MYL12B: variants seen among roughly 807,000 people sequenced by gnomAD.
MYL12B encodes the protein myosin regulatory light chain 12B.
Under a neutral mutation model 12.9 loss-of-function variants are expected in MYL12B, and 3 were observed. The observed-to-expected ratio is 0.23, with a 90% confidence interval of 0.11 to 0.60. MYL12B has a LOEUF of 0.60. Ranked by LOEUF, MYL12B falls within the 20% of genes least tolerant of loss-of-function variation. The pLI, the probability that MYL12B is intolerant of heterozygous loss-of-function variation, is 0.89. For synonymous variants in MYL12B, 57 were observed against 71.9 expected, an observed-to-expected ratio of 0.79 and a Z score of 1.05; for missense variants, 120 against 215.4, an observed-to-expected ratio of 0.56 and a Z score of 2.77.
At chr18:3,263,094 G>T (rs1381964340) in intron 1 of MYL12B, 2 of 152,174 alleles carry the variant, frequency 1.3e-5, no homozygotes, top group African/African-American at 2.4e-5. Flanking sequence ...CGGCGGGTAT[G>T]GAACAGAACT....
chr18:3,273,787 T>TAGGACA (rs2081703402), intron 2 of MYL12B, among the ~76,000 whole-genome samples: 1 of 150,724 alleles, frequency 6.6e-6, no homozygotes, highest in Non-Finnish European at 1.5e-5. Flanking sequence ...TGGCCTACAG[T>TAGGACA]GAGACTTTGC....
chr18:3,268,221 T>C (rs562998665), intron 1 of MYL12B, among the ~76,000 whole-genome samples: 6 of 152,340 alleles, frequency 3.9e-5, no homozygotes, highest in Admixed American at 2.6e-4. Context: ...GTACTACTTA[T>C]ATCCTGTAGT....
At chr18:3,276,798 A>T in intron 2 of MYL12B, 1 of 495,568 alleles carries the variant, frequency 2.0e-6, no homozygotes, top group Non-Finnish European at 2.6e-6. Flanking sequence ...TCACTTTGGG[A>T]GGCCAAGGCA....
chr18:3,268,156 TAAG>T (rs1332843165), intron 1 of MYL12B, among the ~76,000 whole-genome samples: 2 of 152,240 alleles, frequency 1.3e-5, no homozygotes, highest in Admixed American at 1.3e-4. Flanking sequence ...CCCCCTCAGA[TAAG>T]GAGGGACTGC....
At chr18:3,263,627 G>T (rs767748560) in intron 1 of MYL12B, among the ~76,000 whole-genome samples, 1 of 152,262 alleles carries the variant, frequency 6.6e-6, no homozygotes, top group Non-Finnish European at 1.5e-5. Context: ...AGGATTTAGA[G>T]CCCCGACATG....
At chr18:3,273,995 C>A (rs60275701) in intron 2 of MYL12B, among the ~76,000 whole-genome samples, 145,008 of 152,190 alleles carry the variant, frequency 0.95, 69,155 homozygotes, top group Non-Finnish European at 0.98. Flanking sequence ...ATTTTGAAAA[C>A]TTTTAAGCCT....
At chr18:3,273,179 G>A in intron 2 of MYL12B, 97 bp downstream of exon 2, 2 of 1,324,744 alleles carry the variant, frequency 1.5e-6, no homozygotes, top group Middle Eastern at 2.1e-4. Flanking sequence ...TTCTCTCCTT[G>A]TCTCAAAAGG....
intron 2 of MYL12B, among the ~76,000 whole-genome samples, chr18:3,276,097 TC>T (rs1372375329): frequency 1.3e-5 from 2 of 151,942 alleles, no homozygotes; most frequent in Non-Finnish European, 2.9e-5. Flanking sequence ...TAATAGATGT[TC>T]TTTTCATGTA....
At chr18:3,272,274 T>G (rs1476602511) in intron 1 of MYL12B, 1 of 759,748 alleles carries the variant, frequency 1.3e-6, no homozygotes, top group East Asian at 1.3e-4. Flanking sequence ...AGAGGTTATG[T>G]TATACTGGTA....
At chr18:3,273,107 A>AT in intron 2 of MYL12B, 25 bp downstream of exon 2, 2 of 1,528,612 alleles carry the variant, frequency 1.3e-6, no homozygotes, top group South Asian at 1.3e-5. Context: ...CTTTATTTGT[A>AT]TTTTCCCTAA....
intron 1 of MYL12B, among the ~76,000 whole-genome samples, chr18:3,272,469 C>T (rs536223613): frequency 2.0e-5 from 3 of 152,292 alleles, no homozygotes; most frequent in Admixed American, 6.5e-5. Flanking sequence ...ATTTTAAATT[C>T]TCACTTCATA....
In MYL12B at chr18:3,272,907, C is replaced by T. The variant is rs202072944; in HGVS notation, c.9C>T (p.Ser3=). The change falls in exon 2 of 4, where the codon AGC becomes AGT. Residue 3 remains serine (S), a synonymous_variant. Coordinates refer to ENST00000237500, the MANE Select transcript of MYL12B (RefSeq NM_033546.4). MS[S]KKAKTKTTKK... ...AGAATTAAACAACCACCATGTCGAG[C>T]AAAAAGGCAAAGACCAAGACCACCA... 8 of 1,591,388 alleles carry T rather than the reference C, an allele frequency of 5.0e-6. No homozygotes were observed.
chr18:3,263,466 T>G (rs2081611203), intron 1 of MYL12B, among the ~76,000 whole-genome samples: 1 of 152,204 alleles, frequency 6.6e-6, no homozygotes, highest in African/African-American at 2.4e-5. Flanking sequence ...AGAGCACTTT[T>G]GAGTGCTTTA....
chr18:3,277,272 A>C lies in MYL12B; in HGVS notation c.204A>C (p.Ala68=). 1 of 1,609,704 alleles carries C rather than the reference A, an allele frequency of 6.2e-7. No homozygotes were observed. Among genetic ancestry groups the C allele is most frequent in the South Asian group, 1.1e-5 (1 of 90,412 alleles). The part of the protein sequence containing the change: ...LASLGKNPTD[A]YLDAMMNEAP... ...TTACAGGGAAGAATCCCACTGATGC[A>C]TACCTTGATGCCATGATGAATGAGG... Residue 68 remains alanine, a synonymous_variant, in exon 3 of 4, where the codon GCA becomes GCC. Coordinates refer to ENST00000237500, the MANE Select transcript of MYL12B (RefSeq NM_033546.4).
In MYL12B at chr18:3,273,094, AT is replaced by A; in HGVS notation, c.184+14del. 6.4e-7 allele frequency: 1 copy of A among 1,556,082 alleles called. No homozygotes were observed. The highest frequency in any genetic ancestry group is 8.7e-7 in the Non-Finnish European group (1 of 1,150,230). On this transcript the variant is annotated intron_variant, in intron 2 of 3. Coordinates refer to ENST00000237500, the MANE Select transcript of MYL12B (RefSeq NM_033546.4). ...GCTTGCTTCTCTAGGTAGACTTTAT[AT>A]TCTTTATTTGTATTTTCCCTAAAAT...
intron 2 of MYL12B, 122 bp downstream of exon 2, chr18:3,273,204 T>C: frequency 8.7e-7 from 1 of 1,144,210 alleles, no homozygotes; most frequent in Non-Finnish European, 1.2e-6. Flanking sequence ...TGGAGAGATT[T>C]CTGGGTGTGG....
intron 1 of MYL12B, among the ~76,000 whole-genome samples, chr18:3,268,517 A>G (rs982340804): frequency 1.3e-5 from 2 of 152,218 alleles, no homozygotes; most frequent in Non-Finnish European, 2.9e-5. Context: ...GGGCTACTAC[A>G]CTGCACAGTT....
chr18:3,265,865 A>G (rs939063415), intron 1 of MYL12B, among the ~76,000 whole-genome samples: 1 of 152,136 alleles, frequency 6.6e-6, no homozygotes, highest in African/African-American at 2.4e-5. Flanking sequence ...TGCAGTAAAG[A>G]GAAGAACCTA....
At chr18:3,275,979 C>T (rs1413846655) in intron 2 of MYL12B, among the ~76,000 whole-genome samples, 1 of 152,016 alleles carries the variant, frequency 6.6e-6, no homozygotes, top group African/African-American at 2.4e-5. Context: ...CCCAAATTCC[C>T]AGAATTAAAA....
Sources: gnomAD v4.1 joint callset for allele counts (sites outside exome capture counted in the v4.1 genomes callset) on GRCh38, gnomAD v4.1.1 for gene constraint, MANE v1.5 for transcripts, NCBI Gene and HGNC (gene_info 2026-07-23, HGNC 2026-07-21) for gene names.